The following MARCHF3 variants were observed in gnomAD, a reference collection of about 807,000 sequenced individuals.
MARCHF3 encodes membrane associated ring-CH-type finger 3, also known as E3 ubiquitin-protein ligase MARCHF3.
In MARCHF3, 13 loss-of-function variants were observed where a neutral mutation model predicts 24.2. That is an observed-to-expected ratio of 0.54 (90% CI 0.35 to 0.85). The LOEUF (loss-of-function observed/expected upper bound fraction) is 0.85. Among genes scored for constraint, MARCHF3 ranks in the 40% least tolerant of loss-of-function variants. The pLI, the probability that MARCHF3 is intolerant of heterozygous loss-of-function variation, is 0.01. For missense variants in MARCHF3, 276 were observed against 325.0 expected (o/e 0.85, Z 1.16); for synonymous variants, 144 against 137.3 (o/e 1.05, Z -0.34).
At chr5:127,017,433 G>A (rs938182914) in intron 1 of MARCHF3, among the ~76,000 whole-genome samples, 9 of 152,118 alleles carry the variant, frequency 5.9e-5, no homozygotes, top group African/African-American at 1.9e-4. Flanking sequence ...CTTACAAGGG[G>A]TTTATATGTC....
intron 3 of MARCHF3, among the ~76,000 whole-genome samples, chr5:126,897,148 T>G (rs1040156948): frequency 1.3e-5 from 2 of 148,444 alleles, no homozygotes; most frequent in Non-Finnish European, 3.0e-5. Flanking sequence ...CAAGCGATTC[T>G]CCTGTCTCAG....
At chr5:126,946,761 GGTGTGTGTGTGT>G (rs58269583) in intron 1 of MARCHF3, among the ~76,000 whole-genome samples, 13 of 135,946 alleles carry the variant, frequency 9.6e-5, no homozygotes, top group Non-Finnish European at 1.9e-4. Flanking sequence ...TGTAAGTAGG[GGTGTGTGTGTGT>G]GTGTGTGTGT....
In MARCHF3 at chr5:126,868,891, G is replaced by T. The variant is rs1752858567; in HGVS notation, c.*1742C>A. On this transcript the variant is annotated 3_prime_UTR_variant, in exon 5 of 5. Coordinates refer to ENST00000308660, the MANE Select transcript of MARCHF3 (RefSeq NM_178450.5). ...GTCAATTAAGAAACGGTTGATGGTG[G>T]TGCAGCTAATGACAGCCCAGGGGGG... The T allele has an allele frequency of 6.6e-6, 1 of 152,252 alleles. No homozygotes were observed. Among genetic ancestry groups the T allele is most frequent in the Non-Finnish European group, 1.5e-5 (1 of 68,072 alleles). 9.4% of individuals were successfully genotyped at this position (152,252 alleles called of 1,614,324 possible).
intron 1 of MARCHF3, among the ~76,000 whole-genome samples, chr5:126,972,028 AG>A (rs2126829840): frequency 6.6e-6 from 1 of 152,182 alleles, no homozygotes; most frequent in East Asian, 1.9e-4. Flanking sequence ...TAGAAATATG[AG>A]AAAAAACTGC....
chr5:126,883,957 A>C (rs556566122), intron 3 of MARCHF3, among the ~76,000 whole-genome samples: 7 of 152,370 alleles, frequency 4.6e-5, no homozygotes, highest in African/African-American at 1.4e-4. Flanking sequence ...TAGAAGGAAA[A>C]AAAGAGAAGG....
At chr5:126,901,281 T>C (rs1754097158) in intron 3 of MARCHF3, among the ~76,000 whole-genome samples, 1 of 152,126 alleles carries the variant, frequency 6.6e-6, no homozygotes, top group Admixed American at 6.6e-5. Flanking sequence ...ATGTAATATT[T>C]TTCCTTTGCC....
Position 126,873,442 on chromosome 5 carries a change from T to A in MARCHF3, c.604-2651A>T, listed in dbSNP as rs368064352. Among the ~76,000 whole-genome samples the A allele has an allele frequency of 5.3e-5, 8 of 150,712 alleles. No homozygotes were observed. The East Asian group carries it at 9.7e-4, about 18-fold the overall frequency. ...AAAAAAAAGAGAGACAGAGACAGATTGGGCTATTTCCTTTAAGGCTCTGCT... is the reference window on the plus strand; with the variant it reads ...AAAAAAAAGAGAGACAGAGACAGATAGGGCTATTTCCTTTAAGGCTCTGCT... On this transcript the variant is annotated intron_variant, in intron 4 of 4. Transcript: ENST00000308660.
At chr5:126,900,533 C>T (rs377232371) in intron 3 of MARCHF3, among the ~76,000 whole-genome samples, 15 of 152,054 alleles carry the variant, frequency 9.9e-5, no homozygotes, top group African/African-American at 3.4e-4. Flanking sequence ...CCAACTATGT[C>T]GGCACCCTGA....
At chr5:126,990,616 G>C (rs146579775) in intron 1 of MARCHF3, among the ~76,000 whole-genome samples, 7,892 of 152,146 alleles carry the variant, frequency 0.052, 380 homozygotes, top group South Asian at 0.14. Flanking sequence ...AGGCAACCTA[G>C]AGAATGGGAG....
chr5:126,899,295 A>T, intron 3 of MARCHF3: 1 of 985,328 alleles, frequency 1.0e-6, no homozygotes, highest in East Asian at 1.1e-4. Context: ...CAAAGAATTG[A>T]GGGAGAGCCA....
At chr5:126,881,818 T>C (rs973843247) in intron 3 of MARCHF3, among the ~76,000 whole-genome samples, 2 of 151,916 alleles carry the variant, frequency 1.3e-5, no homozygotes, top group African/African-American at 2.4e-5. Context: ...TATAAATATA[T>C]GTATATATAT....
chr5:127,029,363 A>C (rs1054710422), intron 1 of MARCHF3, among the ~76,000 whole-genome samples: 7 of 152,328 alleles, frequency 4.6e-5, no homozygotes, highest in African/African-American at 1.7e-4. Context: ...TCTGTCTAGT[A>C]TTTTCAAAAG....
At chr5:126,889,451 G>T (rs532059679) in intron 3 of MARCHF3, among the ~76,000 whole-genome samples, 1 of 152,022 alleles carries the variant, frequency 6.6e-6, no homozygotes, top group South Asian at 2.1e-4. Context: ...TGTCCCTCAG[G>T]TGTAGTGAGA....
At chr5:126,925,696 G>A (rs1749270567) in intron 1 of MARCHF3, among the ~76,000 whole-genome samples, 2 of 152,208 alleles carry the variant, frequency 1.3e-5, no homozygotes, top group Admixed American at 1.3e-4. Flanking sequence ...TGAGCTGAGG[G>A]AGGGGGGTTG....
chr5:126,871,963 A>G (rs1382910447), intron 4 of MARCHF3, among the ~76,000 whole-genome samples: 1 of 151,422 alleles, frequency 6.6e-6, no homozygotes, highest in Non-Finnish European at 1.5e-5. Flanking sequence ...TGCCTGCCTC[A>G]GCCTCCCAAA....
intron 1 of MARCHF3, among the ~76,000 whole-genome samples, chr5:126,935,571 C>T (rs767673859): frequency 2.2e-4 from 33 of 148,696 alleles, no homozygotes; most frequent in Admixed American, 8.0e-4. Context: ...CACCAAAGAG[C>T]CAATCTAAAA....
intron 1 of MARCHF3, among the ~76,000 whole-genome samples, chr5:126,983,626 G>T (rs1368768522): frequency 6.6e-6 from 1 of 152,160 alleles, no homozygotes; most frequent in East Asian, 1.9e-4. Flanking sequence ...ATCCAACCTT[G>T]CTACCAATTT....
At chr5:126,970,379 C>A (rs79270727) in intron 1 of MARCHF3, among the ~76,000 whole-genome samples, 2 of 152,298 alleles carry the variant, frequency 1.3e-5, no homozygotes, top group Admixed American at 1.3e-4. Context: ...TGAGCCACTG[C>A]GCCCAGCTGG....
intron 1 of MARCHF3, among the ~76,000 whole-genome samples, chr5:126,925,584 A>G (rs72780297): frequency 0.011 from 1,601 of 152,308 alleles, 15 homozygotes; most frequent in Non-Finnish European, 0.016. Flanking sequence ...ATAGATGAAA[A>G]TGGCAATTAA....
Sources: gnomAD v4.1 joint callset for allele counts (sites outside exome capture counted in the v4.1 genomes callset) on GRCh38, gnomAD v4.1.1 for gene constraint, MANE v1.5 for transcripts, NCBI Gene and HGNC (gene_info 2026-07-23, HGNC 2026-07-21) for gene names.